MICU1: variants seen among roughly 807,000 people sequenced by gnomAD.
The protein encoded by MICU1 is calcium uptake protein 1, mitochondrial.
MICU1 carries 45 observed loss-of-function variants against 56.8 expected under a neutral mutation model. The observed-to-expected ratio is 0.79, with a 90% CI of 0.62 to 1.02. The LOEUF is 1.02. Ranked by LOEUF, MICU1 falls within the 50% of genes least tolerant of loss-of-function variation. The pLI is 0.00. For synonymous variants in MICU1, 186 were observed against 195.1 expected (o/e 0.95, Z 0.39); for missense variants, 504 against 587.1 (o/e 0.86, Z 1.46).
At chr10:72,440,877 G>A (rs1453441520) in intron 8 of MICU1, among the ~76,000 whole-genome samples, 7 of 152,078 alleles carry the variant, frequency 4.6e-5, no homozygotes, top group African/African-American at 9.7e-5. Flanking sequence ...TTAGAATAGC[G>A]ATCATTAAAA....
At chr10:72,432,644 AAG>A (rs1279655534) in intron 8 of MICU1, among the ~76,000 whole-genome samples, 2 of 152,166 alleles carry the variant, frequency 1.3e-5, no homozygotes, top group Non-Finnish European at 2.9e-5. Context: ...TAAAGAGGAA[AAG>A]AGAGGGGGAA....
chr10:72,450,457 T>C (rs1164790095), intron 8 of MICU1, among the ~76,000 whole-genome samples: 3 of 151,994 alleles, frequency 2.0e-5, no homozygotes, highest in Admixed American at 2.0e-4. Flanking sequence ...GATGAGATGA[T>C]GTTTCTGACA....
chr10:72,602,388 T>A (rs1168134707), intron 1 of MICU1, among the ~76,000 whole-genome samples: 1 of 150,612 alleles, frequency 6.6e-6, no homozygotes, highest in Non-Finnish European at 1.5e-5. Flanking sequence ...GATGGGGAGG[T>A]TGCAGTGAGA....
Position 72,427,635 on chromosome 10 carries a change from C to A in MICU1, c.934-4264G>T, listed in dbSNP as rs79293378. Among the ~76,000 whole-genome samples, 1,506 of 151,922 alleles carry A rather than the reference C, an allele frequency of 9.9e-3. 30 individuals carry two copies. Among genetic ancestry groups the A allele is most frequent in the African/African-American group, 0.035 (1,432 of 41,448 alleles). ...ATTTTGGGGACCAGGTGTAGTGCCT[C>A]ATGCCTGTAATCCCAGCACTTTCGG... On this transcript the variant is annotated intron_variant, in intron 8 of 11. Transcript: ENST00000361114.
At chr10:72,435,114 G>A (rs1864663775) in intron 8 of MICU1, among the ~76,000 whole-genome samples, 1 of 152,072 alleles carries the variant, frequency 6.6e-6, no homozygotes, top group South Asian at 2.1e-4. Flanking sequence ...ATAAAGGCCA[G>A]GTATGGTGGC....
At chr10:72,453,370 C>T (rs183053211) in intron 8 of MICU1, among the ~76,000 whole-genome samples, 7 of 152,212 alleles carry the variant, frequency 4.6e-5, no homozygotes, top group Admixed American at 2.0e-4. Flanking sequence ...AGCTGTGGAG[C>T]TATTATACTA....
intron 1 of MICU1, among the ~76,000 whole-genome samples, chr10:72,585,049 C>G (rs1841008970): frequency 6.6e-6 from 1 of 151,138 alleles, no homozygotes; most frequent in South Asian, 2.1e-4. Flanking sequence ...CCATTTTTTA[C>G]TCTCCACCTC....
At chr10:72,511,427 A>C (rs2132354639) in intron 5 of MICU1, among the ~76,000 whole-genome samples, 1 of 152,344 alleles carries the variant, frequency 6.6e-6, no homozygotes, top group Admixed American at 6.5e-5. Flanking sequence ...TTTTTAAAGA[A>C]GATTTGAGAA....
At chr10:72,618,449 A>G (rs1842032371) in intron 1 of MICU1, among the ~76,000 whole-genome samples, 1 of 152,138 alleles carries the variant, frequency 6.6e-6, no homozygotes, top group Admixed American at 6.6e-5. Context: ...CTCACAACTT[A>G]TTAGCATAAA....
chr10:72,426,192 A>G (rs1169007287), intron 8 of MICU1, among the ~76,000 whole-genome samples: 3 of 151,954 alleles, frequency 2.0e-5, no homozygotes, highest in African/African-American at 7.3e-5. Context: ...TAATTTTTGT[A>G]GTTTTAGTAG....
intron 10 of MICU1, among the ~76,000 whole-genome samples, chr10:72,377,051 C>A (rs992886771): frequency 6.6e-6 from 1 of 152,096 alleles, no homozygotes; most frequent in Admixed American, 6.6e-5. Context: ...ACTGGTTTTG[C>A]ACCAGACTTC....
chr10:72,456,503 C>T (rs1564880362), intron 8 of MICU1, among the ~76,000 whole-genome samples: 1 of 152,126 alleles, frequency 6.6e-6, no homozygotes, highest in Non-Finnish European at 1.5e-5. Flanking sequence ...AAGGGAGGAA[C>T]TGGAGCCTAG....
intron 10 of MICU1, among the ~76,000 whole-genome samples, chr10:72,388,166 G>C (rs1358712562): frequency 1.3e-5 from 2 of 152,204 alleles, no homozygotes; most frequent in African/African-American, 4.8e-5. Flanking sequence ...ATAAATGCTA[G>C]ATGTTAGAAC....
intron 8 of MICU1, among the ~76,000 whole-genome samples, chr10:72,442,634 T>C (rs143383983): frequency 2.6e-5 from 4 of 152,356 alleles, no homozygotes; most frequent in African/African-American, 9.6e-5. Flanking sequence ...GTTGTTCTCC[T>C]TCATCTATTT....
In MICU1 at chr10:72,569,237, A is replaced by ATTTTTT. The variant is rs1178823534; in HGVS notation, c.-1-2449_-1-2444dup. 1.5e-3 allele frequency among the ~76,000 whole-genome samples: 52 copies of ATTTTTT among 34,348 alleles called. 4 individuals carry two copies. The highest frequency in any genetic ancestry group is 8.3e-3 in the East Asian group (12 of 1,440). 22.5% of individuals were successfully genotyped at this position (34,348 alleles called of 152,430 possible). ...TATATATATATATATATATATATAT[A>ATTTTTT]TTTTTTTTTTTTTTTGAGATGGCGT... On this transcript the variant is annotated intron_variant, in intron 1 of 11. Coordinates refer to ENST00000361114, the MANE Select transcript of MICU1 (RefSeq NM_001195518.2).
intron 5 of MICU1, among the ~76,000 whole-genome samples, chr10:72,513,654 C>T (rs1867555445): frequency 6.6e-6 from 1 of 152,040 alleles, no homozygotes; most frequent in Admixed American, 6.6e-5. Flanking sequence ...CCCTACTTTT[C>T]TACTAAGGGT....
intron 6 of MICU1, among the ~76,000 whole-genome samples, chr10:72,486,637 A>T (rs932157163): frequency 3.3e-5 from 5 of 152,116 alleles, no homozygotes; most frequent in African/African-American, 1.2e-4. Context: ...ACATCTGGCT[A>T]ATTTTTGTAT....
At chr10:72,475,427 T>C in intron 7 of MICU1, 130 bp from the exon 8 acceptor site, 1 of 870,556 alleles carries the variant, frequency 1.1e-6, no homozygotes, top group Non-Finnish European at 1.6e-6. Context: ...TTTTAATGCT[T>C]ACAACAATTT....
chr10:72,520,013 C>G (rs561067605), intron 5 of MICU1, among the ~76,000 whole-genome samples: 1 of 152,188 alleles, frequency 6.6e-6, no homozygotes, highest in South Asian at 2.1e-4. Flanking sequence ...TAATATTTTG[C>G]TACATTGCTG....
Sources: allele counts gnomAD v4.1 joint callset (sites outside exome capture counted in the v4.1 genomes callset), GRCh38; gene constraint gnomAD v4.1.1; transcripts MANE v1.5; gene names NCBI Gene and HGNC (gene_info 2026-07-23, HGNC 2026-07-21).